Variants in MBOAT1 observed in about 807,000 individuals in gnomAD.
The protein encoded by MBOAT1 is membrane bound glycerophospholipid O-acyltransferase 1.
MBOAT1 carries 67 observed loss-of-function variants against 64.4 expected under a neutral mutation model. The ratio of observed to expected loss-of-function variants is 1.04; its 90% CI spans 0.85 to 1.27. The LOEUF is 1.27. Among genes scored for constraint, MBOAT1 ranks in the 50% most tolerant of loss-of-function variants. The pLI is 0.00. For missense variants in MBOAT1, 563 were observed against 604.6 expected (o/e 0.93, Z 0.72); for synonymous variants, 229 against 218.9 (o/e 1.05, Z -0.41).
intron 4 of MBOAT1, among the ~76,000 whole-genome samples, chr6:20,134,902 C>CTTTTT (rs3057688): frequency 7.6e-5 from 8 of 104,718 alleles, no homozygotes; most frequent in African/African-American, 1.4e-4. Context: ...AATTCATGTT[C>CTTTTT]TTTTTTTTTT....
At chr6:20,150,900 T>G (rs1020766509) in intron 3 of MBOAT1, among the ~76,000 whole-genome samples, 1 of 152,062 alleles carries the variant, frequency 6.6e-6, no homozygotes, top group Non-Finnish European at 1.5e-5. Context: ...ATTTTCATTG[T>G]GTTGAACATT....
chr6:20,180,495 C>T (rs1482177429), intron 1 of MBOAT1, among the ~76,000 whole-genome samples: 2 of 152,242 alleles, frequency 1.3e-5, no homozygotes, highest in South Asian at 2.1e-4. Context: ...TTGGGCCCCT[C>T]GGACAGCTCG....
chr6:20,101,227 C>T lies in MBOAT1; in HGVS notation c.*1059G>A, dbSNP rs6456296. ...TTGGGTGTCTTCTCAAGACCAACCCCGGGCAAGCAGGTGGCGCCTGTGAAA... is the reference window on the plus strand; with the variant it reads ...TTGGGTGTCTTCTCAAGACCAACCCTGGGCAAGCAGGTGGCGCCTGTGAAA... On this transcript the variant is annotated 3_prime_UTR_variant, in exon 13 of 13. Coordinates refer to ENST00000324607, the MANE Select transcript of MBOAT1 (RefSeq NM_001080480.3). Among the ~76,000 whole-genome samples, 3,302 of 152,240 alleles carry T rather than the reference C, an allele frequency of 0.022. 124 individuals are homozygous for T. The highest frequency in any genetic ancestry group is 0.075 in the African/African-American group (3,106 of 41,526).
intron 12 of MBOAT1, among the ~76,000 whole-genome samples, chr6:20,103,351 G>T (rs1231123584): frequency 1.3e-5 from 2 of 152,150 alleles, no homozygotes; most frequent in Non-Finnish European, 2.9e-5. Context: ...ATAGAAAAAA[G>T]CTTACAAAAA....
intron 7 of MBOAT1, chr6:20,125,871 A>G: frequency 2.3e-6 from 1 of 439,076 alleles, no homozygotes; most frequent in South Asian, 1.7e-5. Context: ...TCCTTTTCCA[A>G]TTTTCACCAC....
intron 1 of MBOAT1, among the ~76,000 whole-genome samples, chr6:20,173,532 G>C (rs1762260419): frequency 6.6e-6 from 1 of 152,148 alleles, no homozygotes; most frequent in African/African-American, 2.4e-5. Flanking sequence ...AAATACATTT[G>C]GCTGTTCATG....
At chr6:20,177,888 A>C (rs2113736174) in intron 1 of MBOAT1, among the ~76,000 whole-genome samples, 1 of 151,880 alleles carries the variant, frequency 6.6e-6, no homozygotes, top group East Asian at 1.9e-4. Flanking sequence ...CCCAAAGCTC[A>C]GCCTAACTGC....
At chr6:20,201,788 G>C (rs888876496) in intron 1 of MBOAT1, among the ~76,000 whole-genome samples, 36 of 151,928 alleles carry the variant, frequency 2.4e-4, no homozygotes, top group Non-Finnish European at 4.0e-4. Flanking sequence ...CACCATGTTG[G>C]CCAAGCTGGT....
At chr6:20,114,421 AC>A (rs1359517327) in intron 10 of MBOAT1, among the ~76,000 whole-genome samples, 1 of 152,230 alleles carries the variant, frequency 6.6e-6, no homozygotes, top group Non-Finnish European at 1.5e-5. Context: ...GGAAATAGCA[AC>A]AAAAATATAA....
At chr6:20,130,820 C>A (rs1760803252) in intron 5 of MBOAT1, among the ~76,000 whole-genome samples, 1 of 152,134 alleles carries the variant, frequency 6.6e-6, no homozygotes, top group Non-Finnish European at 1.5e-5. Flanking sequence ...AAAAGGATGT[C>A]ATTTCTTTTT....
chr6:20,180,214 T>C (rs1048746551), intron 1 of MBOAT1, among the ~76,000 whole-genome samples: 3 of 152,194 alleles, frequency 2.0e-5, no homozygotes, highest in African/African-American at 4.8e-5. Flanking sequence ...GTCATCTCCA[T>C]TACTAGCCTG....
At chr6:20,128,984 C>T (rs1446259631) in intron 5 of MBOAT1, among the ~76,000 whole-genome samples, 1 of 152,024 alleles carries the variant, frequency 6.6e-6, no homozygotes, top group African/African-American at 2.4e-5. Flanking sequence ...GGGAAGGACT[C>T]AAAGGTTTCT....
Position 20,101,555 on chromosome 6 carries a change from G to C in MBOAT1, c.*731C>G, listed in dbSNP as rs898548101. Among the ~76,000 whole-genome samples, 4 of 152,152 alleles carry C rather than the reference G, an allele frequency of 2.6e-5. No homozygotes were observed. Among genetic ancestry groups the C allele is most frequent in the Non-Finnish European group, 1.5e-5 (1 of 68,028 alleles). ...CTGGGGCTTCCCAGGGAACCACTAT[G>C]ACTGAGTATATTCTGATTTGAGAAA... On this transcript the variant is annotated 3_prime_UTR_variant, in exon 13 of 13. Coordinates refer to ENST00000324607, the MANE Select transcript of MBOAT1 (RefSeq NM_001080480.3).
At chr6:20,118,994 G>C (rs1476181359) in intron 8 of MBOAT1, among the ~76,000 whole-genome samples, 1 of 152,144 alleles carries the variant, frequency 6.6e-6, no homozygotes, top group Non-Finnish European at 1.5e-5. Flanking sequence ...AGATAGCAGG[G>C]CATTACCTAA....
intron 1 of MBOAT1, among the ~76,000 whole-genome samples, chr6:20,201,472 G>A (rs1763122277): frequency 1.3e-5 from 2 of 152,146 alleles, no homozygotes; most frequent in Admixed American, 6.5e-5. Flanking sequence ...TGGAAATCTG[G>A]CCAGCTGGAA....
In MBOAT1 at chr6:20,191,210, C is replaced by G. The variant is rs1762791409; in HGVS notation, c.99+20926G>C. Among the ~76,000 whole-genome samples, 3 of 152,168 alleles carry G rather than the reference C, an allele frequency of 2.0e-5. No individual in the cohort carries two copies. In the South Asian group the frequency reaches 6.2e-4, roughly 31 times the overall value. On this transcript the variant is annotated intron_variant, in intron 1 of 12. Transcript: ENST00000324607. ...AAAGCAAGTCTGGCCCCTGGTGCCT[C>G]TCTGTCTCACACACTCACTTCCACC...
In MBOAT1 at chr6:20,144,246, A is replaced by T. The variant is rs758956219; in HGVS notation, c.393T>A (p.Tyr131Ter). 1 of 1,612,488 alleles carries T rather than the reference A, an allele frequency of 6.2e-7. No individual in the cohort carries two copies. Among genetic ancestry groups the T allele is most frequent in the South Asian group, 1.1e-5 (1 of 90,868 alleles). ...CAGAAAAATCCGTAGTGAGAATTCCATAGTGGAAGATGTATATTCGGCTGA... is the reference window on the plus strand; with the variant it reads ...CAGAAAAATCCGTAGTGAGAATTCCTTAGTGGAAGATGTATATTCGGCTGA... Reference protein sequence around the residue: ...CHISRIYIFHYGILTTDFSGP... With the variant: ...CHISRIYIFH The change falls in exon 4 of 13, where the codon TAT (tyrosine) becomes TAA (stop). Residue 131 changes from tyrosine to a stop codon, truncating the protein, a stop_gained. Coordinates refer to ENST00000324607, the MANE Select transcript of MBOAT1 (RefSeq NM_001080480.3). LOFTEE classifies it high-confidence loss of function.
At position 20,140,961 on chromosome 6, in the gene MBOAT1, T is replaced by C. The variant is rs958294932; in HGVS notation, c.419+3259A>G. 1.6e-4 allele frequency among the ~76,000 whole-genome samples: 25 copies of C among 152,174 alleles called. 1 individual carries two copies. Among genetic ancestry groups the C allele is most frequent in the Middle Eastern group, 6.8e-3 (2 of 294 alleles). ...CACTCTGTGCACCAGGGACAAGATA[T>C]GACTGACAGGCAATGGTAGCACCAA... On this transcript the variant is annotated intron_variant, in intron 4 of 12. Coordinates refer to ENST00000324607, the MANE Select transcript of MBOAT1 (RefSeq NM_001080480.3).
intron 1 of MBOAT1, among the ~76,000 whole-genome samples, chr6:20,198,084 C>G (rs1197105680): frequency 6.6e-6 from 1 of 151,728 alleles, no homozygotes; most frequent in South Asian, 2.1e-4. Flanking sequence ...AAAAATTAGC[C>G]AGGCATGGTG....
Sources: allele counts gnomAD v4.1 joint callset (sites outside exome capture counted in the v4.1 genomes callset), GRCh38; gene constraint gnomAD v4.1.1; transcripts MANE v1.5; gene names NCBI Gene and HGNC (gene_info 2026-07-23, HGNC 2026-07-21).